The following CYP7B1 variants were observed in gnomAD, a reference collection of about 807,000 sequenced individuals.
CYP7B1 encodes cytochrome P450 family 7 subfamily B member 1.
CYP7B1 carries 29 observed loss-of-function variants against 42.7 expected under a neutral mutation model. That is an observed-to-expected ratio of 0.68 (90% CI 0.51 to 0.93). The LOEUF (loss-of-function observed/expected upper bound fraction) is 0.93. Ranked by LOEUF, CYP7B1 falls within the 40% of genes least tolerant of loss-of-function variation. The pLI, the probability that CYP7B1 is intolerant of heterozygous loss-of-function variation, is 0.00. For synonymous variants in CYP7B1, 235 were observed against 218.2 expected (o/e 1.08, Z -0.68); for missense variants, 655 against 600.5 (o/e 1.09, Z -0.95).
chr8:64,604,606 G>A, intron 5 of CYP7B1, 76 bp downstream of exon 5: 4 of 1,568,196 alleles, frequency 2.6e-6, no homozygotes, highest in Non-Finnish European at 3.5e-6. Context: ...AGTGGCAAGA[G>A]GAAGAGATAG....
chr8:64,788,772 G>C (rs1804569124), intron 1 of CYP7B1, among the ~76,000 whole-genome samples: 1 of 152,184 alleles, frequency 6.6e-6, no homozygotes, highest in Admixed American at 6.5e-5. Flanking sequence ...TTTGTGACCA[G>C]AAATATGCTA....
At chr8:64,640,205 C>T (rs979153885) in intron 1 of CYP7B1, among the ~76,000 whole-genome samples, 3 of 151,968 alleles carry the variant, frequency 2.0e-5, no homozygotes, top group Non-Finnish European at 2.9e-5. Flanking sequence ...TGTTCTAAAC[C>T]GGATTGTGGT....
chr8:64,646,420 A>G (rs542102493), intron 1 of CYP7B1, among the ~76,000 whole-genome samples: 1 of 152,344 alleles, frequency 6.6e-6, no homozygotes, highest in South Asian at 2.1e-4. Flanking sequence ...AAAAGAAGAC[A>G]TTTATGCAGC....
intron 4 of CYP7B1, among the ~76,000 whole-genome samples, chr8:64,606,179 G>T (rs963502549): frequency 2.6e-5 from 4 of 152,150 alleles, no homozygotes; most frequent in Non-Finnish European, 5.9e-5. Context: ...GACTGCCTTC[G>T]TTATTATAAT....
rs372499493 is a variant in CYP7B1, at chr8:64,648,061, A to G, written c.123-23522T>C. 1.6e-4 allele frequency among the ~76,000 whole-genome samples: 24 copies of G among 152,338 alleles called. No homozygotes were observed. In the East Asian group the frequency reaches 4.2e-3, roughly 27 times the overall value. ...ACTCTATACTCAATTTGTGTCAAGC[A>G]CTATAATAGGTGACAAGGGCACATG... On this transcript the variant is annotated intron_variant, in intron 1 of 5. Transcript: ENST00000310193.
At position 64,798,466 on chromosome 8, in the gene CYP7B1, C is replaced by T; in HGVS notation, c.122G>A (p.Arg41Lys). 3.3e-6 allele frequency: 5 copies of T among 1,511,992 alleles called. No homozygotes were observed. The highest frequency in any genetic ancestry group is 2.6e-5 in the East Asian group (1 of 37,842). The allele number at this position is 1,511,992 out of a possible 1,614,324, so 93.7% of individuals were successfully genotyped here. A position where few individuals can be genotyped will look rare whatever the true frequency, so the allele number is the denominator to read the frequency against. ...GTGGCCTGGCGGCCGAGGCGCTTAC[C>T]TGGTGCGCCGGACAAGCAAGCAGAG... is the stretch of plus-strand genomic sequence containing the variant. ...LALCLLVRRTRRPGEPPLIKG... is the reference protein window; with the variant it reads ...LALCLLVRRTKRPGEPPLIKG... Residue 41 changes from arginine to lysine, a missense_variant and splice_region_variant, in exon 1 of 6, where the codon AGG becomes AAG. Transcript: ENST00000310193.
chr8:64,729,386 G>A lies in CYP7B1; in HGVS notation c.122+69080C>T, dbSNP rs1223113429. On this transcript the variant is annotated intron_variant, in intron 1 of 5. Transcript: ENST00000310193. ...TACAGAGACACATTCAGACACACAC[G>A]AAGGCAGTCCTTGACTTGCAAGATG... 6.6e-5 allele frequency among the ~76,000 whole-genome samples: 10 copies of A among 152,142 alleles called. No homozygotes were observed. The South Asian group carries it at 8.3e-4, about 13-fold the overall frequency.
intron 1 of CYP7B1, among the ~76,000 whole-genome samples, chr8:64,661,519 A>C (rs1231743943): frequency 2.0e-5 from 3 of 152,224 alleles, no homozygotes; most frequent in African/African-American, 7.2e-5. Flanking sequence ...ATAGAAGTTT[A>C]TCCTAGATAT....
chr8:64,737,443 T>G (rs187961954), intron 1 of CYP7B1, among the ~76,000 whole-genome samples: 4 of 152,348 alleles, frequency 2.6e-5, no homozygotes, highest in Admixed American at 2.6e-4. Context: ...TAAAGTGCAC[T>G]AGCTCAAATC....
At chr8:64,732,257 G>A (rs540121474) in intron 1 of CYP7B1, among the ~76,000 whole-genome samples, 1 of 152,350 alleles carries the variant, frequency 6.6e-6, no homozygotes, top group South Asian at 2.1e-4. Flanking sequence ...CACAGAGGCA[G>A]AGCTGCCCAA....
At chr8:64,717,858 T>C (rs1217929610) in intron 1 of CYP7B1, among the ~76,000 whole-genome samples, 2 of 94,886 alleles carry the variant, frequency 2.1e-5, no homozygotes, top group African/African-American at 9.0e-5. Flanking sequence ...AAAAAATAAG[T>C]TTTTTTTTTT....
At chr8:64,747,412 CA>C (rs1807660182) in intron 1 of CYP7B1, among the ~76,000 whole-genome samples, 1 of 151,002 alleles carries the variant, frequency 6.6e-6, no homozygotes, top group Non-Finnish European at 1.5e-5. Context: ...TTTAACTCCC[CA>C]AAAACTTAAC....
intron 1 of CYP7B1, among the ~76,000 whole-genome samples, chr8:64,649,550 C>A (rs1806008309): frequency 6.6e-6 from 1 of 152,156 alleles, no homozygotes; most frequent in African/African-American, 2.4e-5. Flanking sequence ...CAAGATCCTG[C>A]TTTGAATTCC....
chr8:64,707,486 A>G (rs1339966146), intron 1 of CYP7B1, among the ~76,000 whole-genome samples: 2 of 152,074 alleles, frequency 1.3e-5, no homozygotes, highest in Non-Finnish European at 2.9e-5. Flanking sequence ...ACACAATCAG[A>G]CTACAGCAGT....
intron 1 of CYP7B1, among the ~76,000 whole-genome samples, chr8:64,677,772 A>G (rs938865586): frequency 2.5e-4 from 37 of 148,664 alleles, no homozygotes; most frequent in African/African-American, 9.3e-4. Flanking sequence ...TTAAAATTAA[A>G]TATAAAATCT....
At chr8:64,690,761 TCTC>T (rs1221956288) in intron 1 of CYP7B1, among the ~76,000 whole-genome samples, 2 of 152,176 alleles carry the variant, frequency 1.3e-5, no homozygotes, top group Non-Finnish European at 2.9e-5. Flanking sequence ...GGCTTATGCT[TCTC>T]CTTTAGCTGG....
At chr8:64,669,804 G>GA (rs1364292701) in intron 1 of CYP7B1, among the ~76,000 whole-genome samples, 2 of 151,898 alleles carry the variant, frequency 1.3e-5, no homozygotes, top group African/African-American at 4.8e-5. Flanking sequence ...TTATTTTAAA[G>GA]AAAACATAGC....
intron 1 of CYP7B1, among the ~76,000 whole-genome samples, chr8:64,650,565 T>A (rs1264987292): frequency 6.6e-6 from 1 of 152,146 alleles, no homozygotes; most frequent in African/African-American, 2.4e-5. Context: ...GGAGAATCAC[T>A]TGAACCCAGG....
chr8:64,740,903 T>C (rs1235753726), intron 1 of CYP7B1, among the ~76,000 whole-genome samples: 2 of 152,120 alleles, frequency 1.3e-5, no homozygotes, highest in East Asian at 1.9e-4. Context: ...ATGATATAAA[T>C]GGCAAATTTT....
Sources: gnomAD v4.1 joint callset for allele counts (sites outside exome capture counted in the v4.1 genomes callset) on GRCh38, gnomAD v4.1.1 for gene constraint, MANE v1.5 for transcripts, NCBI Gene and HGNC (gene_info 2026-07-23, HGNC 2026-07-21) for gene names.